TNRC6B: variants seen among roughly 807,000 people sequenced by gnomAD.
TNRC6B encodes the protein trinucleotide repeat containing adaptor 6B.
TNRC6B carries 52 observed loss-of-function variants against 203.6 expected under a neutral mutation model. That is an observed-to-expected ratio of 0.26 (90% CI 0.20 to 0.32). The LOEUF (loss-of-function observed/expected upper bound fraction) is 0.32. TNRC6B is among the 10% of genes least tolerant of loss of function. TNRC6B has a pLI of 1.00. For missense variants in TNRC6B, 1,923 were observed against 2,286.2 expected (o/e 0.84, Z 3.24); for synonymous variants, 838 against 845.7 (o/e 0.99, Z 0.16).
intron 3 of TNRC6B, among the ~76,000 whole-genome samples, chr22:40,132,823 A>G (rs1296081979): frequency 6.7e-6 from 1 of 148,284 alleles, no homozygotes; most frequent in Non-Finnish European, 1.5e-5. Context: ...AGGCGCCTGT[A>G]GTCCCAGCTA....
intron 3 of TNRC6B, among the ~76,000 whole-genome samples, chr22:40,153,872 ATAAAAT>A (rs1391030434): frequency 6.6e-6 from 1 of 151,042 alleles, no homozygotes; most frequent in Non-Finnish European, 1.5e-5. Context: ...TAATTTTTAA[ATAAAAT>A]TAGTAATTTA....
At chr22:40,131,046 G>A (rs2068539434) in intron 3 of TNRC6B, among the ~76,000 whole-genome samples, 2 of 151,546 alleles carry the variant, frequency 1.3e-5, no homozygotes, top group Admixed American at 1.3e-4. Flanking sequence ...GGACTTGACA[G>A]GCGCCTGCCG....
At chr22:40,057,884 A>G (rs2067813925) in intron 1 of TNRC6B, among the ~76,000 whole-genome samples, 1 of 152,194 alleles carries the variant, frequency 6.6e-6, no homozygotes, top group Admixed American at 6.5e-5. Flanking sequence ...GGTTTTACTC[A>G]GATGTTATCT....
chr22:40,159,227 T>C (rs1053064063), intron 4 of TNRC6B, among the ~76,000 whole-genome samples: 4 of 150,678 alleles, frequency 2.7e-5, no homozygotes, highest in Non-Finnish European at 5.9e-5. Flanking sequence ...CCTCCCAAAG[T>C]GCTGGGATTA....
intron 1 of TNRC6B, among the ~76,000 whole-genome samples, chr22:40,053,994 A>G (rs1392535662): frequency 6.6e-6 from 1 of 152,170 alleles, no homozygotes; most frequent in Non-Finnish European, 1.5e-5. Context: ...AGGTGGGTGA[A>G]TATCTTGAGC....
chr22:40,226,009 T>C (rs1022230276), intron 1 of TNRC6B, among the ~76,000 whole-genome samples: 1 of 152,206 alleles, frequency 6.6e-6, no homozygotes, highest in Non-Finnish European at 1.5e-5. Flanking sequence ...TAAATCACTT[T>C]TTAGATTTGA....
At chr22:40,095,421 A>G (rs983144825) in intron 1 of TNRC6B, among the ~76,000 whole-genome samples, 1 of 152,152 alleles carries the variant, frequency 6.6e-6, no homozygotes, top group African/African-American at 2.4e-5. Context: ...GCCTCATCTA[A>G]TGATTGACCA....
intron 3 of TNRC6B, among the ~76,000 whole-genome samples, chr22:40,252,291 C>T (rs559788606): frequency 6.6e-6 from 1 of 152,204 alleles, no homozygotes; most frequent in South Asian, 2.1e-4. Flanking sequence ...CTGCAGGTGA[C>T]CCCAGTACAT....
At chr22:40,206,274 G>C (rs942960878) in intron 1 of TNRC6B, among the ~76,000 whole-genome samples, 4 of 152,092 alleles carry the variant, frequency 2.6e-5, no homozygotes, top group African/African-American at 4.8e-5. Flanking sequence ...TGTTTCTAAA[G>C]ATCAGCAAAG....
intron 2 of TNRC6B, among the ~76,000 whole-genome samples, chr22:40,119,128 C>G (rs1231105151): frequency 6.6e-6 from 1 of 152,156 alleles, no homozygotes; most frequent in Non-Finnish European, 1.5e-5. Flanking sequence ...GAAGAACTTG[C>G]ACAGGTACTG....
Position 40,266,079 on chromosome 22 carries a change from G to T in TNRC6B, c.1849G>T (p.Val617Leu), listed in dbSNP as rs932488029. The T allele has an allele frequency of 1.9e-6, 3 of 1,613,750 alleles. No individual in the cohort carries two copies. Among genetic ancestry groups the T allele is most frequent in the Non-Finnish European group, 2.5e-6 (3 of 1,179,912 alleles). ...GAGCCGAACTGATTTGGACCCCAGG[G>T]TGCTCTCAAACACTGGCTGGGGCCA... ...LLSRTDLDPRVLSNTGWGQTQ... is the reference protein window; with the variant it reads ...LLSRTDLDPRLLSNTGWGQTQ... The change falls in exon 5 of 23, where the codon GTG becomes TTG. Residue 617 changes from valine to leucine, a missense_variant. This residue lies in a region of TNRC6B where 38 missense variants were observed against 70.3 expected (regional missense o/e 0.54). Coordinates refer to ENST00000454349, the MANE Select transcript of TNRC6B (RefSeq NM_001162501.2).
intron 1 of TNRC6B, among the ~76,000 whole-genome samples, chr22:40,112,644 T>C (rs35195120): frequency 6.6e-6 from 1 of 152,214 alleles, no homozygotes; most frequent in Admixed American, 6.5e-5. Flanking sequence ...ATTTATTTTG[T>C]GTTTATTTTT....
At chr22:40,190,014 T>G (rs991876530) in intron 1 of TNRC6B, among the ~76,000 whole-genome samples, 3 of 152,194 alleles carry the variant, frequency 2.0e-5, no homozygotes, top group African/African-American at 7.2e-5. Flanking sequence ...TTCCCACAGA[T>G]CATCACAGGT....
At chr22:40,062,944 C>CT (rs796362211) in intron 1 of TNRC6B, among the ~76,000 whole-genome samples, 14 of 148,934 alleles carry the variant, frequency 9.4e-5, no homozygotes, top group African/African-American at 9.9e-5. Context: ...TTCAGTTTAT[C>CT]TTTTTTTTTT....
At chr22:40,054,790 C>A (rs1305602849) in intron 1 of TNRC6B, among the ~76,000 whole-genome samples, 1 of 151,620 alleles carries the variant, frequency 6.6e-6, no homozygotes, top group Non-Finnish European at 1.5e-5. Context: ...GTAATGCCAG[C>A]ACTTTGGGAG....
chr22:40,322,807 T>C (rs763388633), intron 22 of TNRC6B, 47 bp from the exon 23 acceptor site: 3 of 1,610,738 alleles, frequency 1.9e-6, no homozygotes, highest in East Asian at 2.2e-5. Flanking sequence ...CCGTATGCTT[T>C]AGGATTTTCC....
At chr22:40,110,556 C>CA (rs1329034645) in intron 1 of TNRC6B, among the ~76,000 whole-genome samples, 1 of 152,206 alleles carries the variant, frequency 6.6e-6, no homozygotes, top group Non-Finnish European at 1.5e-5. Flanking sequence ...AAAGAATTGA[C>CA]AGATTATTCT....
rs921232262 is a variant in TNRC6B at position 40,050,820 on chromosome 22, GT to G, written c.-121+5827del. ...TTTATTGCTGTCCTGTAGTTTTTTT[GT>G]TTTTGGGTTTTTTTTTTTTTTGAGA... On this transcript the variant is annotated intron_variant, in intron 1 of 23. Coordinates refer to the TNRC6B transcript ENST00000301923. Among the ~76,000 whole-genome samples, 12 of 147,558 alleles carry G rather than the reference GT, an allele frequency of 8.1e-5. No individual in the cohort carries two copies. In the East Asian group the frequency reaches 2.0e-3, roughly 24 times the overall value.
intron 3 of TNRC6B, among the ~76,000 whole-genome samples, chr22:40,133,455 T>C (rs1242989910): frequency 2.0e-5 from 3 of 152,158 alleles, no homozygotes; most frequent in African/African-American, 7.2e-5. Context: ...ACTTTTAACC[T>C]AGTTGAGGGA....
Sources: allele counts gnomAD v4.1 joint callset (sites outside exome capture counted in the v4.1 genomes callset), GRCh38; gene constraint gnomAD v4.1.1; regional missense constraint gnomAD v4.1.1; transcripts MANE v1.5; gene names NCBI Gene and HGNC (gene_info 2026-07-23, HGNC 2026-07-21).